The following PPM1E variants were observed in gnomAD, a reference collection of about 807,000 sequenced individuals.
The protein encoded by PPM1E is protein phosphatase, Mg2+/Mn2+ dependent 1E.
Under a neutral mutation model 65.9 loss-of-function variants are expected in PPM1E, and 20 were observed. The ratio of observed to expected loss-of-function variants is 0.30; its 90% CI spans 0.21 to 0.44. The LOEUF (loss-of-function observed/expected upper bound fraction) is 0.44, where lower values mean the gene tolerates loss of function less well. PPM1E is among the 20% of genes least tolerant of loss of function. The pLI is 1.00. For missense variants in PPM1E, 713 were observed against 953.1 expected, an observed-to-expected ratio of 0.75 and a Z score of 3.32; for synonymous variants, 352 against 374.9, an observed-to-expected ratio of 0.94 and a Z score of 0.70.
chr17:58,884,099 A>T (rs2051238979), intron 1 of PPM1E, among the ~76,000 whole-genome samples: 1 of 152,184 alleles, frequency 6.6e-6, no homozygotes, highest in African/African-American at 2.4e-5. Context: ...GGTGTCCTCT[A>T]ATCTCCAGAG....
intron 1 of PPM1E, among the ~76,000 whole-genome samples, chr17:58,826,608 T>G (rs1053965311): frequency 6.6e-6 from 1 of 152,144 alleles, no homozygotes; most frequent in African/African-American, 2.4e-5. Flanking sequence ...CTATTTTTAA[T>G]GTACAAATAT....
chr17:58,756,525 G>T, intron 1 of PPM1E, 64 bp downstream of exon 1: 2 of 1,257,318 alleles, frequency 1.6e-6, no homozygotes, highest in Non-Finnish European at 2.0e-6. Flanking sequence ...CTCGGACGCG[G>T]CTCCCTCGGC....
chr17:58,802,395 C>G (rs2050267374), intron 1 of PPM1E, among the ~76,000 whole-genome samples: 1 of 152,080 alleles, frequency 6.6e-6, no homozygotes, highest in African/African-American at 2.4e-5. Context: ...GTTTCTATGT[C>G]TGTTTTTATG....
intron 1 of PPM1E, among the ~76,000 whole-genome samples, chr17:58,866,067 A>G (rs2051000101): frequency 6.6e-6 from 1 of 152,216 alleles, no homozygotes; most frequent in African/African-American, 2.4e-5. Flanking sequence ...TTCTTTATAA[A>G]TGCAGATCTC....
At chr17:58,879,958 G>C (rs574571974) in intron 1 of PPM1E, among the ~76,000 whole-genome samples, 76 of 152,238 alleles carry the variant, frequency 5.0e-4, no homozygotes, top group Non-Finnish European at 9.3e-4. Context: ...ACATTAACAG[G>C]AGAAAAACAT....
intron 1 of PPM1E, among the ~76,000 whole-genome samples, chr17:58,857,054 T>C (rs1188174985): frequency 6.6e-6 from 1 of 152,208 alleles, no homozygotes; most frequent in Non-Finnish European, 1.5e-5. Flanking sequence ...CCCCATTTGC[T>C]TTATACTTCG....
chr17:58,768,224 C>CT (rs2049902044), intron 1 of PPM1E, among the ~76,000 whole-genome samples: 1 of 151,990 alleles, frequency 6.6e-6, no homozygotes, highest in African/African-American at 2.4e-5. Flanking sequence ...AGTGCTAGGA[C>CT]TACAGGCATG....
chr17:58,761,657 C>T (rs532168999), intron 1 of PPM1E, among the ~76,000 whole-genome samples: 3 of 152,282 alleles, frequency 2.0e-5, no homozygotes, highest in African/African-American at 7.2e-5. Context: ...ATTTCTTACC[C>T]GTTTTTTAGT....
chr17:58,895,739 G>T (rs2051404732), intron 1 of PPM1E, among the ~76,000 whole-genome samples: 1 of 152,082 alleles, frequency 6.6e-6, no homozygotes. Context: ...TGAGCTGGGA[G>T]ATCAAGACTA....
chr17:58,887,356 G>A (rs1264196610), intron 1 of PPM1E, among the ~76,000 whole-genome samples: 3 of 151,872 alleles, frequency 2.0e-5, no homozygotes, highest in Non-Finnish European at 1.5e-5. Flanking sequence ...TAGTAGAGAC[G>A]GGGTTTCTCC....
intron 1 of PPM1E, among the ~76,000 whole-genome samples, chr17:58,927,087 A>G (rs1598654539): frequency 6.9e-6 from 1 of 145,134 alleles, no homozygotes; most frequent in Non-Finnish European, 1.5e-5. Flanking sequence ...ATTCATTTTT[A>G]TACTTTAGAG....
chr17:58,950,922 G>C (rs2052228340), intron 1 of PPM1E, among the ~76,000 whole-genome samples: 1 of 151,774 alleles, frequency 6.6e-6, no homozygotes, highest in Non-Finnish European at 1.5e-5. Flanking sequence ...GGGACTACAG[G>C]CGCCCGCCAC....
In PPM1E at chr17:58,780,127, T is replaced by C. The variant is rs529898263; in HGVS notation, c.464+23666T>C. Reference sequence around the variant, plus strand: ...TCCTGGAATTGAGGTTGTTGAAATATAGGGTATGCATGCTTAAAATCTTTT... The same window carrying C: ...TCCTGGAATTGAGGTTGTTGAAATACAGGGTATGCATGCTTAAAATCTTTT... On this transcript the variant is annotated intron_variant, in intron 1 of 6. Transcript: ENST00000308249. Among the ~76,000 whole-genome samples, 7 of 152,370 alleles carry C rather than the reference T, an allele frequency of 4.6e-5. No individual in the cohort carries two copies. The South Asian group carries it at 1.4e-3, about 32-fold the overall frequency.
chr17:58,934,799 C>T (rs1293596845), intron 1 of PPM1E, among the ~76,000 whole-genome samples: 4 of 151,566 alleles, frequency 2.6e-5, no homozygotes, highest in African/African-American at 4.9e-5. Context: ...TGGTGGTGGG[C>T]ACCTGTAATC....
chr17:58,937,490 C>G (rs1282354169), intron 1 of PPM1E, among the ~76,000 whole-genome samples: 37 of 149,986 alleles, frequency 2.5e-4, no homozygotes, highest in Admixed American at 2.5e-3. Flanking sequence ...TCTCAAACTC[C>G]TGACCTCGTG....
At chr17:58,821,048 TTATA>T (rs1198820991) in intron 1 of PPM1E, among the ~76,000 whole-genome samples, 4 of 152,078 alleles carry the variant, frequency 2.6e-5, no homozygotes, top group African/African-American at 9.7e-5. Flanking sequence ...GTGATTATTA[TTATA>T]TATAATTAAT....
At chr17:58,909,684 T>C (rs1567872201) in intron 1 of PPM1E, among the ~76,000 whole-genome samples, 1 of 152,198 alleles carries the variant, frequency 6.6e-6, no homozygotes, top group Non-Finnish European at 1.5e-5. Flanking sequence ...TTCTCTTTGC[T>C]CCTCTGTAAG....
At chr17:58,896,362 A>G (rs562782333) in intron 1 of PPM1E, among the ~76,000 whole-genome samples, 1 of 152,192 alleles carries the variant, frequency 6.6e-6, no homozygotes, top group African/African-American at 2.4e-5. Flanking sequence ...AGGTGGGTGG[A>G]TCACCTGAGG....
chr17:58,778,240 C>G (rs1462621515), intron 1 of PPM1E, among the ~76,000 whole-genome samples: 1 of 152,008 alleles, frequency 6.6e-6, no homozygotes, highest in Admixed American at 6.6e-5. Flanking sequence ...GCTGGAATTA[C>G]AGGCGTGTGC....
Sources: allele counts gnomAD v4.1 joint callset (sites outside exome capture counted in the v4.1 genomes callset), GRCh38; gene constraint gnomAD v4.1.1; transcripts MANE v1.5; gene names NCBI Gene and HGNC (gene_info 2026-07-23, HGNC 2026-07-21).